DIP2B: variants seen among roughly 807,000 people sequenced by gnomAD.
DIP2B encodes the protein DIP2 acetate--CoA ligase B (putative), also known as disco-interacting protein 2 homolog B.
A neutral mutation model predicts 198.0 loss-of-function variants in DIP2B; 76 were observed. The observed-to-expected ratio is 0.38, with a 90% CI of 0.32 to 0.46. DIP2B has a LOEUF of 0.46. DIP2B is among the 20% of genes least tolerant of loss of function. The pLI, the probability that DIP2B is intolerant of heterozygous loss-of-function variation, is 0.99. For missense variants in DIP2B, 1,559 were observed against 1,978.4 expected (o/e 0.79, Z 4.02); for synonymous variants, 701 against 739.1 (o/e 0.95, Z 0.84).
intron 1 of DIP2B, among the ~76,000 whole-genome samples, chr12:50,571,283 T>A (rs879501499): frequency 2.0e-5 from 3 of 150,422 alleles, no homozygotes; most frequent in Non-Finnish European, 4.4e-5. Flanking sequence ...GAGATTCTCC[T>A]GCCTCAGCCT....
intron 2 of DIP2B, among the ~76,000 whole-genome samples, chr12:50,629,152 G>T (rs1937993864): frequency 6.6e-6 from 1 of 152,120 alleles, no homozygotes; most frequent in African/African-American, 2.4e-5. Context: ...AAAGTGCTGG[G>T]ATTACAGGCG....
chr12:50,590,890 G>A (rs912483962), intron 1 of DIP2B, among the ~76,000 whole-genome samples: 1 of 152,208 alleles, frequency 6.6e-6, no homozygotes, highest in Non-Finnish European at 1.5e-5. Context: ...TGGTTTGAAT[G>A]TGTTGCCTCC....
chr12:50,744,914 T>G lies in DIP2B; in HGVS notation c.*75T>G. 4 of 1,536,126 alleles carry G rather than the reference T, an allele frequency of 2.6e-6. No homozygotes were observed. The highest frequency in any genetic ancestry group is 3.5e-6 in the Non-Finnish European group (4 of 1,130,034). On this transcript the variant is annotated 3_prime_UTR_variant, in exon 38 of 38. Coordinates refer to ENST00000301180, the MANE Select transcript of DIP2B (RefSeq NM_173602.3). ...GAAGACCTCTGGCTAAGAGCAGGCT[T>G]CAAACGATGTGAAATAAGCTGAGAT...
intron 33 of DIP2B, 114 bp downstream of exon 33, chr12:50,734,310 A>G: frequency 9.5e-7 from 1 of 1,050,028 alleles, no homozygotes; most frequent in Non-Finnish European, 1.4e-6. Flanking sequence ...CAGGAGGGGA[A>G]TGGGAAGAGG....
At position 50,723,329 on chromosome 12, in the gene DIP2B, TA is replaced by T; in HGVS notation, c.3288+7del. 1 of 1,614,166 alleles carries T rather than the reference TA, an allele frequency of 6.2e-7. No individual in the cohort carries two copies. Among genetic ancestry groups the T allele is most frequent in the Non-Finnish European group, 8.5e-7 (1 of 1,180,004 alleles). Reference sequence around the variant, plus strand: ...CTGTCCGAATGATTGTTGATGTAAGTACCAGCTGTATCTTGCCTTGTCCTCA... The same window carrying T: ...CTGTCCGAATGATTGTTGATGTAAGTCCAGCTGTATCTTGCCTTGTCCTCA... On this transcript the variant is annotated splice_region_variant and intron_variant, in intron 27 of 37. Transcript: ENST00000301180.
chr12:50,734,154 C>T lies in DIP2B; in HGVS notation c.4001C>T (p.Pro1334Leu), dbSNP rs781331882. 30 of 1,613,972 alleles carry T rather than the reference C, an allele frequency of 1.9e-5. No individual in the cohort carries two copies. Among genetic ancestry groups the T allele is most frequent in the Middle Eastern group, 1.6e-4 (1 of 6,084 alleles). ...CTTTAGGGAACCTCAGGGCCTGATCCGACTACTGTGTATGTGGATCTGAAA... is the reference window on the plus strand; with the variant it reads ...CTTTAGGGAACCTCAGGGCCTGATCTGACTACTGTGTATGTGGATCTGAAA... ...ICLQGTSGPD[P>L]TTVYVDLKSL... Residue 1334 changes from proline to leucine, a missense_variant, in exon 33 of 38, where the codon CCG becomes CTG. Transcript: ENST00000301180.
intron 1 of DIP2B, among the ~76,000 whole-genome samples, chr12:50,575,682 C>G (rs1028100939): frequency 1.1e-4 from 16 of 152,180 alleles, no homozygotes; most frequent in African/African-American, 3.6e-4. Flanking sequence ...CCAACCAGGC[C>G]CTCCTTTATT....
At position 50,724,788 on chromosome 12, in the gene DIP2B, C is replaced by G. The variant is rs141470115; in HGVS notation, c.3302C>G (p.Ala1101Gly). The G allele has an allele frequency of 1.9e-5, 31 of 1,614,102 alleles. No individual in the cohort carries two copies. Among genetic ancestry groups the G allele is most frequent in the Admixed American group, 1.0e-4 (6 of 60,008 alleles). Residue 1101 changes from alanine to glycine, a missense_variant, in exon 28 of 38, where the codon GCC becomes GGC. Physicochemically the swap from Ala to Gly is moderately conservative, Grantham distance 60. Transcript: ENST00000301180. ...TTTGTTTTCTAGGTCAGCAAAGCAG[C>G]CTGTATTCTCACCAGTCAGACCCTA... is the stretch of plus-strand genomic sequence containing the variant. Reference protein sequence around the residue: ...VRMIVDVSKAACILTSQTLMR... With the variant: ...VRMIVDVSKAGCILTSQTLMR...
intron 4 of DIP2B, 36 bp from the exon 5 acceptor site, chr12:50,671,150 A>G (rs545686712): frequency 6.3e-5 from 101 of 1,601,740 alleles, no homozygotes; most frequent in Non-Finnish European, 8.4e-5. Context: ...TGTTCTAGGT[A>G]GGATCGAGAA....
chr12:50,726,385 C>G (rs1328723025), intron 28 of DIP2B, among the ~76,000 whole-genome samples: 2 of 152,150 alleles, frequency 1.3e-5, no homozygotes, highest in African/African-American at 4.8e-5. Context: ...GGCCCTCACT[C>G]TGTCATCCAG....
chr12:50,697,160 C>CT lies in DIP2B; in HGVS notation c.2034dup (p.Val679CysfsTer34). On this transcript the variant is annotated frameshift_variant, in exon 17 of 38. Coordinates refer to ENST00000301180, the MANE Select transcript of DIP2B (RefSeq NM_173602.3). LOFTEE classifies it high-confidence loss of function. ...TGCGCCACGTCTGCTGAAGCCATGA[C>CT]TGTAGCAATCCGCAGGTACTGTTCA... is the stretch of plus-strand genomic sequence containing the variant. 1 of 1,614,076 alleles carries CT rather than the reference C, an allele frequency of 6.2e-7. No individual in the cohort carries two copies. Among genetic ancestry groups the CT allele is most frequent in the Non-Finnish European group, 8.5e-7 (1 of 1,179,968 alleles).
At chr12:50,689,009 C>G (rs1369026376) in intron 12 of DIP2B, among the ~76,000 whole-genome samples, 2 of 152,134 alleles carry the variant, frequency 1.3e-5, no homozygotes, top group African/African-American at 4.8e-5. Context: ...TTTAAAGCAT[C>G]TCTGGGTAAT....
At chr12:50,570,480 G>A (rs905697550) in intron 1 of DIP2B, among the ~76,000 whole-genome samples, 1 of 152,206 alleles carries the variant, frequency 6.6e-6, no homozygotes, top group Admixed American at 6.5e-5. Flanking sequence ...GGAGGCTGAG[G>A]CAGGCGGATC....
chr12:50,742,942 C>T (rs1940279541), intron 37 of DIP2B, among the ~76,000 whole-genome samples: 3 of 152,016 alleles, frequency 2.0e-5, no homozygotes, highest in African/African-American at 4.8e-5. Flanking sequence ...TCTCCCCAGA[C>T]CTGAACAAGA....
intron 14 of DIP2B, 90 bp from the exon 15 acceptor site, chr12:50,695,177 A>G (rs1439968291): frequency 1.1e-5 from 11 of 1,013,602 alleles, no homozygotes; most frequent in Middle Eastern, 2.1e-4. Context: ...TACTTGTATA[A>G]TTAAAATTGC....
chr12:50,515,032 G>GCCCTCTCT (rs1305624537), intron 1 of DIP2B, among the ~76,000 whole-genome samples: 1 of 151,774 alleles, frequency 6.6e-6, no homozygotes, highest in African/African-American at 2.4e-5. Context: ...TCATGTGCTG[G>GCCCTCTCT]CCCTCTCTCC....
chr12:50,625,855 C>T (rs994749543), intron 1 of DIP2B, 121 bp from the exon 2 acceptor site: 1 of 1,031,558 alleles, frequency 9.7e-7, no homozygotes, highest in African/African-American at 1.6e-5. Flanking sequence ...TACATTCCCC[C>T]CCCCAACCCC....
At chr12:50,526,801 A>C (rs963026692) in intron 1 of DIP2B, among the ~76,000 whole-genome samples, 7 of 151,632 alleles carry the variant, frequency 4.6e-5, no homozygotes, top group Non-Finnish European at 1.0e-4. Flanking sequence ...ACGCTTGGCT[A>C]CTTTTTGTAT....
At chr12:50,645,953 G>A (rs1044449378) in intron 3 of DIP2B, among the ~76,000 whole-genome samples, 2 of 151,954 alleles carry the variant, frequency 1.3e-5, no homozygotes, top group Non-Finnish European at 2.9e-5. Flanking sequence ...GTATTTTTGG[G>A]AAATGGTGGG....
Sources: gnomAD v4.1 joint callset for allele counts (sites outside exome capture counted in the v4.1 genomes callset) on GRCh38, gnomAD v4.1.1 for gene constraint, MANE v1.5 for transcripts, NCBI Gene and HGNC (gene_info 2026-07-23, HGNC 2026-07-21) for gene names.